Variants in TPD52 observed in about 807,000 individuals in gnomAD.
TPD52 encodes the protein prostate and colon associated protein.
In TPD52, 17 loss-of-function variants were observed where a neutral mutation model predicts 31.3. The ratio of observed to expected loss-of-function variants is 0.54; its 90% CI spans 0.37 to 0.82. The LOEUF (loss-of-function observed/expected upper bound fraction) is 0.82, where lower values mean the gene tolerates loss of function less well. TPD52 is among the 40% of genes least tolerant of loss of function. The pLI is 0.00. For synonymous variants in TPD52, 83 were observed against 89.6 expected, an observed-to-expected ratio of 0.93 and a Z score of 0.42; for missense variants, 212 against 240.1, an observed-to-expected ratio of 0.88 and a Z score of 0.77.
At chr8:80,113,037 A>C (rs1586323716) in intron 1 of TPD52, among the ~76,000 whole-genome samples, 1 of 152,314 alleles carries the variant, frequency 6.6e-6, no homozygotes, top group Non-Finnish European at 1.5e-5. Flanking sequence ...TTTTGACGGC[A>C]ACCTGTCACA....
At chr8:80,171,377 A>G in intron 1 of TPD52, 48 bp downstream of exon 1, 1 of 1,585,594 alleles carries the variant, frequency 6.3e-7, no homozygotes, top group Middle Eastern at 1.7e-4. Flanking sequence ...CCCGAGTCCA[A>G]GCCCGAGTCC....
intron 1 of TPD52, among the ~76,000 whole-genome samples, chr8:80,093,438 T>C (rs1816445300): frequency 6.6e-6 from 1 of 152,180 alleles, no homozygotes. Flanking sequence ...GTGGACTACA[T>C]TTTAATGTGG....
intron 2 of TPD52, among the ~76,000 whole-genome samples, chr8:80,063,254 G>A (rs1202109565): frequency 8.5e-5 from 13 of 152,178 alleles, no homozygotes; most frequent in Non-Finnish European, 2.9e-5. Context: ...GCTACACCAT[G>A]AATCAACCTC....
intron 1 of TPD52, among the ~76,000 whole-genome samples, chr8:80,115,725 T>A (rs1490180443): frequency 6.6e-6 from 1 of 152,208 alleles, no homozygotes; most frequent in Non-Finnish European, 1.5e-5. Context: ...CACTTGTTTC[T>A]TGAAGCCTAA....
chr8:80,096,340 G>C (rs1221885583), intron 1 of TPD52, among the ~76,000 whole-genome samples: 2 of 151,498 alleles, frequency 1.3e-5, no homozygotes, highest in Non-Finnish European at 2.9e-5. Flanking sequence ...GTCTGCCTGG[G>C]GTAAAATACT....
intron 4 of TPD52, 88 bp downstream of exon 4, chr8:80,051,439 T>C (rs537176643): frequency 6.3e-5 from 81 of 1,294,220 alleles, no homozygotes; most frequent in Admixed American, 2.3e-4. Flanking sequence ...TAGCATCAAC[T>C]AGAGCCAAGG....
In TPD52 at chr8:80,170,007, T is replaced by C. The variant is rs185983582; in HGVS notation, c.19+1418A>G. 4.8e-4 allele frequency among the ~76,000 whole-genome samples: 73 copies of C among 152,356 alleles called. 1 individual carries two copies. Among genetic ancestry groups the C allele is most frequent in the African/African-American group, 1.7e-3 (69 of 41,576 alleles). On this transcript the variant is annotated intron_variant, in intron 1 of 7. Coordinates refer to ENST00000518937, the MANE Select transcript of TPD52 (RefSeq NM_001025253.3). ...TATATATACACATAGGTAACACATA[T>C]AAAGCATATTGTATGTAATGTTTGT...
At chr8:80,152,822 G>C (rs1810677859) in intron 1 of TPD52, among the ~76,000 whole-genome samples, 1 of 146,856 alleles carries the variant, frequency 6.8e-6, no homozygotes, top group African/African-American at 2.5e-5. Context: ...CAGATCTCAG[G>C]TTTCCTTCGA....
At chr8:80,040,371 G>A (rs1237039970) in intron 7 of TPD52, among the ~76,000 whole-genome samples, 3 of 151,622 alleles carry the variant, frequency 2.0e-5, no homozygotes, top group Admixed American at 1.3e-4. Flanking sequence ...ATCGTTTTTG[G>A]TAGAGACAGG....
chr8:80,154,408 C>A (rs1214848797), intron 1 of TPD52, among the ~76,000 whole-genome samples: 1 of 152,202 alleles, frequency 6.6e-6, no homozygotes, highest in Non-Finnish European at 1.5e-5. Context: ...GTGGACGTGA[C>A]AATACTACAG....
chr8:80,155,124 A>T (rs769499395), intron 1 of TPD52, among the ~76,000 whole-genome samples: 17 of 151,902 alleles, frequency 1.1e-4, no homozygotes, highest in Non-Finnish European at 2.4e-4. Flanking sequence ...CAGCCTCCCA[A>T]GTAGCTAGGA....
intron 1 of TPD52, among the ~76,000 whole-genome samples, chr8:80,098,300 C>T (rs759366852): frequency 6.6e-6 from 1 of 152,214 alleles, no homozygotes; most frequent in Non-Finnish European, 1.5e-5. Flanking sequence ...TGTAAGGCTA[C>T]TGTGGCCAAT....
At chr8:80,043,778 A>C (rs1810587810) in intron 6 of TPD52, among the ~76,000 whole-genome samples, 1 of 152,210 alleles carries the variant, frequency 6.6e-6, no homozygotes, top group Admixed American at 6.5e-5. Flanking sequence ...AGTTGGCTCC[A>C]AATGTCACAG....
intron 1 of TPD52, among the ~76,000 whole-genome samples, chr8:80,168,349 A>G (rs954812808): frequency 2.0e-5 from 3 of 152,260 alleles, no homozygotes; most frequent in African/African-American, 7.2e-5. Flanking sequence ...GGGATTTTCA[A>G]TAGATAAATG....
chr8:80,048,091 AT>A (rs1563567794), intron 5 of TPD52, among the ~76,000 whole-genome samples: 8 of 152,334 alleles, frequency 5.3e-5, no homozygotes, highest in African/African-American at 1.9e-4. Context: ...AAATATAAGC[AT>A]ATCACCTGAG....
chr8:80,080,851 C>A (rs1815192998), intron 1 of TPD52: 1 of 670,392 alleles, frequency 1.5e-6, no homozygotes, highest in Non-Finnish European at 1.8e-6. Flanking sequence ...CAACAAGAAA[C>A]TACAATTTAT....
intron 1 of TPD52, among the ~76,000 whole-genome samples, chr8:80,155,201 A>G (rs1447597231): frequency 6.6e-6 from 1 of 152,006 alleles, no homozygotes; most frequent in Non-Finnish European, 1.5e-5. Context: ...CACCATAACC[A>G]TGCTTGTATA....
At chr8:80,099,162 C>A (rs1029326870) in intron 1 of TPD52, among the ~76,000 whole-genome samples, 1 of 152,022 alleles carries the variant, frequency 6.6e-6, no homozygotes, top group Admixed American at 6.6e-5. Context: ...GTGTGTGAGT[C>A]GCTTTATTGC....
chr8:80,049,571 G>A (rs1358492635), intron 5 of TPD52, among the ~76,000 whole-genome samples: 1 of 152,126 alleles, frequency 6.6e-6, no homozygotes, highest in Admixed American at 6.6e-5. Flanking sequence ...ACTACCATGA[G>A]TGATTGCTTA....
Sources: gnomAD v4.1 joint callset for allele counts (sites outside exome capture counted in the v4.1 genomes callset) on GRCh38, gnomAD v4.1.1 for gene constraint, MANE v1.5 for transcripts, NCBI Gene and HGNC (gene_info 2026-07-23, HGNC 2026-07-21) for gene names.